Variants in PLPPR1 observed in about 807,000 individuals in gnomAD.
The protein encoded by PLPPR1 is phospholipid phosphatase-related protein type 1.
PLPPR1 carries 10 observed loss-of-function variants against 33.1 expected under a neutral mutation model. The ratio of observed to expected loss-of-function variants is 0.30; its 90% CI spans 0.19 to 0.51. PLPPR1 has a LOEUF of 0.51. PLPPR1 is among the 20% of genes least tolerant of loss of function. The probability of loss-of-function intolerance (pLI) is 0.97; values close to 1 mark genes in which losing one functional copy is unlikely to be tolerated. For missense variants in PLPPR1, 304 were observed against 408.1 expected (o/e 0.74, Z 2.20); for synonymous variants, 151 against 151.0 (o/e 1.00, Z 0.00).
chr9:101,040,448 C>T (rs1225232193), intron 1 of PLPPR1, among the ~76,000 whole-genome samples: 3 of 152,156 alleles, frequency 2.0e-5, no homozygotes. Flanking sequence ...TTCTTGGTGA[C>T]TATAATGGAT....
chr9:101,168,091 C>G (rs1408624952), intron 1 of PLPPR1, among the ~76,000 whole-genome samples: 1 of 152,106 alleles, frequency 6.6e-6, no homozygotes, highest in Non-Finnish European at 1.5e-5. Flanking sequence ...CCCACCAGAT[C>G]CCTCCTACAA....
At chr9:101,295,140 A>C (rs1828597992) in intron 4 of PLPPR1, among the ~76,000 whole-genome samples, 1 of 151,900 alleles carries the variant, frequency 6.6e-6, no homozygotes. Flanking sequence ...AATCACAAGC[A>C]TTCTTATACA....
chr9:101,221,442 G>C (rs1313110601), intron 2 of PLPPR1, among the ~76,000 whole-genome samples: 4 of 152,178 alleles, frequency 2.6e-5, no homozygotes, highest in African/African-American at 9.7e-5. Flanking sequence ...TGGCTCCTAT[G>C]GAATGGCTGG....
intron 2 of PLPPR1, among the ~76,000 whole-genome samples, chr9:101,241,345 T>A (rs1474576302): frequency 6.6e-6 from 1 of 152,052 alleles, no homozygotes; most frequent in Non-Finnish European, 1.5e-5. Flanking sequence ...GTCTTTTGGC[T>A]TCCCTGGGTC....
At chr9:101,167,801 C>T (rs1321557408) in intron 1 of PLPPR1, among the ~76,000 whole-genome samples, 1 of 152,156 alleles carries the variant, frequency 6.6e-6, no homozygotes, top group Non-Finnish European at 1.5e-5. Flanking sequence ...TTGAAGCCAG[C>T]TCTTGCATCA....
At chr9:101,055,589 A>T (rs987346268) in intron 1 of PLPPR1, among the ~76,000 whole-genome samples, 2 of 152,188 alleles carry the variant, frequency 1.3e-5, no homozygotes, top group African/African-American at 2.4e-5. Context: ...TCCATTATTT[A>T]TGTAATCACT....
chr9:101,199,707 T>C (rs1464984584), intron 2 of PLPPR1, among the ~76,000 whole-genome samples: 1 of 152,224 alleles, frequency 6.6e-6, no homozygotes, highest in Non-Finnish European at 1.5e-5. Context: ...CATCTATGCC[T>C]GAGATAGAGA....
chr9:101,170,224 C>T lies in PLPPR1; in HGVS notation c.-45-15226C>T, dbSNP rs115603454. ...AAAATAAAGATATGAAACAATTACA[C>T]AATACATACTATATTAATCTGTTCT... On this transcript the variant is annotated intron_variant, in intron 1 of 7. Transcript: ENST00000374874. Among the ~76,000 whole-genome samples, 636 of 152,160 alleles carry T rather than the reference C, an allele frequency of 4.2e-3. 4 individuals are homozygous for T. The highest frequency in any genetic ancestry group is 0.014 in the African/African-American group (592 of 41,518).
chr9:101,173,582 C>G (rs1053820962), intron 1 of PLPPR1, among the ~76,000 whole-genome samples: 2 of 152,066 alleles, frequency 1.3e-5, no homozygotes, highest in African/African-American at 4.8e-5. Flanking sequence ...TTCAGATTTC[C>G]CTCTGTTAGG....
At chr9:101,308,804 A>T (rs1020316750) in intron 4 of PLPPR1, among the ~76,000 whole-genome samples, 1 of 152,176 alleles carries the variant, frequency 6.6e-6, no homozygotes, top group African/African-American at 2.4e-5. Flanking sequence ...TTACGTAGAC[A>T]CCATAGCAAG....
chr9:101,282,808 A>G (rs1029044867), intron 3 of PLPPR1, among the ~76,000 whole-genome samples: 2 of 152,224 alleles, frequency 1.3e-5, no homozygotes, highest in African/African-American at 4.8e-5. Flanking sequence ...ATAGCTACAA[A>G]AAATACTTAG....
At chr9:101,242,336 G>A (rs1278426956) in intron 2 of PLPPR1, among the ~76,000 whole-genome samples, 1 of 151,454 alleles carries the variant, frequency 6.6e-6, no homozygotes, top group Non-Finnish European at 1.5e-5. Context: ...AGGGAGAGGA[G>A]AATTAGATTC....
rs56283585 is a variant in PLPPR1 at position 101,257,745 on chromosome 9, T to C, written c.64-12135T>C. Reference sequence around the variant, plus strand: ...AATGAAAAGTACAGCATCAAATATATCACAAAACCCCATACAACTTAATCC... The same window carrying C: ...AATGAAAAGTACAGCATCAAATATACCACAAAACCCCATACAACTTAATCC... On this transcript the variant is annotated intron_variant, in intron 2 of 7. Transcript: ENST00000374874. 7.3e-3 allele frequency among the ~76,000 whole-genome samples: 1,110 copies of C among 152,180 alleles called. 17 individuals carry two copies. The highest frequency in any genetic ancestry group is 0.026 in the African/African-American group (1,071 of 41,514).
intron 6 of PLPPR1, among the ~76,000 whole-genome samples, chr9:101,316,911 C>A (rs1467782560): frequency 1.3e-5 from 2 of 152,012 alleles, no homozygotes; most frequent in African/African-American, 4.8e-5. Flanking sequence ...CTCTGTGTGA[C>A]CTTGGGCAAG....
chr9:101,045,214 C>T (rs1830130416), intron 1 of PLPPR1, among the ~76,000 whole-genome samples: 1 of 152,192 alleles, frequency 6.6e-6, no homozygotes, highest in Non-Finnish European at 1.5e-5. Flanking sequence ...GTGGGAGCAG[C>T]TAAAACCATT....
chr9:101,168,178 C>G (rs1825888110), intron 1 of PLPPR1, among the ~76,000 whole-genome samples: 1 of 152,122 alleles, frequency 6.6e-6, no homozygotes, highest in Non-Finnish European at 1.5e-5. Context: ...AATTCTAATT[C>G]TGTCCTAAAG....
intron 1 of PLPPR1, among the ~76,000 whole-genome samples, chr9:101,156,593 AAGAAAT>A (rs1460598864): frequency 6.5e-4 from 98 of 151,614 alleles, no homozygotes; most frequent in Non-Finnish European, 1.2e-3. Flanking sequence ...AAAGAAAAAA[AAGAAAT>A]AGCTGCAGAA....
chr9:101,262,714 T>C (rs10819916), intron 2 of PLPPR1, among the ~76,000 whole-genome samples: 6,096 of 152,326 alleles, frequency 0.04, 206 homozygotes, highest in South Asian at 0.17. Context: ...TGTATGTTTA[T>C]TGCAGCACTG....
chr9:101,281,811 C>T (rs1828309567), intron 3 of PLPPR1, among the ~76,000 whole-genome samples: 1 of 152,004 alleles, frequency 6.6e-6, no homozygotes, highest in Non-Finnish European at 1.5e-5. Flanking sequence ...CAATGATACA[C>T]CAACAAATTG....
Sources: allele counts gnomAD v4.1 joint callset (sites outside exome capture counted in the v4.1 genomes callset), GRCh38; gene constraint gnomAD v4.1.1; transcripts MANE v1.5; gene names NCBI Gene and HGNC (gene_info 2026-07-23, HGNC 2026-07-21).